The following SRPRB variants were observed in gnomAD, a reference collection of about 807,000 sequenced individuals.
The protein encoded by SRPRB is SRP receptor subunit beta.
Under a neutral mutation model 31.9 loss-of-function variants are expected in SRPRB, and 20 were observed. The observed-to-expected ratio is 0.63, with a 90% CI of 0.44 to 0.91. The LOEUF is 0.91. Ranked by LOEUF, SRPRB falls within the 40% of genes least tolerant of loss-of-function variation. The pLI, the probability that SRPRB is intolerant of heterozygous loss-of-function variation, is 0.00. For missense variants in SRPRB, 321 were observed against 324.9 expected (o/e 0.99, Z 0.09); for synonymous variants, 146 against 132.8 (o/e 1.10, Z -0.68).
intron 1 of SRPRB, among the ~76,000 whole-genome samples, chr3:133,797,858 G>A (rs1294838595): frequency 6.6e-6 from 1 of 152,062 alleles, no homozygotes; most frequent in African/African-American, 2.4e-5. Flanking sequence ...CTGCCTTCTG[G>A]GAGTAATCTT....
At chr3:133,822,865 A>C (rs1461046088), downstream of SRPRB, among the ~76,000 whole-genome samples, 2 of 152,226 alleles carry the variant, frequency 1.3e-5, no homozygotes, top group Admixed American at 6.5e-5. Flanking sequence ...AATGCGCAGG[A>C]AAACAATCCC....
chr3:133,797,594 T>A (rs1432797639), intron 1 of SRPRB, among the ~76,000 whole-genome samples: 1 of 152,204 alleles, frequency 6.6e-6, no homozygotes, highest in Non-Finnish European at 1.5e-5. Context: ...CATTTGAGAA[T>A]GGAATTTTTA....
chr3:133,825,768 A>G (rs1412875968), downstream of SRPRB: 2 of 152,208 alleles, frequency 1.3e-5, no homozygotes, highest in Non-Finnish European at 2.9e-5. Flanking sequence ...ACCATCCCCA[A>G]AAAAGAAGGC....
At chr3:133,809,307 G>A (rs1420671478) in intron 3 of SRPRB, among the ~76,000 whole-genome samples, 3 of 152,126 alleles carry the variant, frequency 2.0e-5, no homozygotes, top group Admixed American at 2.0e-4. Context: ...AATAAGTTTC[G>A]GTGAGTGAGT....
chr3:133,823,849 A>C (rs1935512239), downstream of SRPRB, among the ~76,000 whole-genome samples: 1 of 152,086 alleles, frequency 6.6e-6, no homozygotes, highest in South Asian at 2.1e-4. Context: ...TCTGAAAATC[A>C]CCAGAAGCAT....
chr3:133,798,884 A>T (rs1157119924), intron 1 of SRPRB, among the ~76,000 whole-genome samples: 2 of 152,168 alleles, frequency 1.3e-5, no homozygotes, highest in African/African-American at 4.8e-5. Flanking sequence ...AAGATATTTT[A>T]AAAACATTAA....
chr3:133,824,790 A>AGAT (rs1935531046), downstream of SRPRB: 1 of 152,190 alleles, frequency 6.6e-6, no homozygotes, highest in African/African-American at 2.4e-5. Flanking sequence ...AAAAGAGTAG[A>AGAT]GATGGTCTGA....
chr3:133,824,622 T>A (rs1409523720), downstream of SRPRB: 1 of 152,144 alleles, frequency 6.6e-6, no homozygotes, highest in East Asian at 1.9e-4. Context: ...CCTAAATAGT[T>A]CATGTCAAAC....
intron 4 of SRPRB, 33 bp from the exon 5 acceptor site, chr3:133,815,557 C>A: frequency 6.2e-7 from 1 of 1,611,626 alleles, no homozygotes; most frequent in South Asian, 1.1e-5. Context: ...GTTACACGTT[C>A]ACATGCCAGT....
chr3:133,814,236 A>G (rs1487213953), intron 4 of SRPRB, among the ~76,000 whole-genome samples: 1 of 149,526 alleles, frequency 6.7e-6, no homozygotes, highest in African/African-American at 2.5e-5. Context: ...GGTTTACGCC[A>G]TTCTCCTGCC....
upstream of SRPRB, chr3:133,805,731 G>A (rs1262662456): frequency 7.3e-6 from 10 of 1,368,464 alleles, no homozygotes; most frequent in Non-Finnish European, 9.7e-6. Flanking sequence ...GGATCGCCGC[G>A]GCTGAGGGAG....
At chr3:133,787,401 A>C (rs1254420633) in intron 1 of SRPRB, 1 of 152,236 alleles carries the variant, frequency 6.6e-6, no homozygotes, top group African/African-American at 2.4e-5. Flanking sequence ...CAAAATTGTC[A>C]TATTTAGAAG....
upstream of SRPRB, among the ~76,000 whole-genome samples, chr3:133,803,863 G>A (rs1935098412): frequency 7.3e-5 from 11 of 151,430 alleles, no homozygotes; most frequent in South Asian, 2.3e-3. Flanking sequence ...GTTTTAGGCC[G>A]AGGTGGGTGG....
chr3:133,806,419 G>C (rs1374411319), intron 1 of SRPRB, 190 bp from the exon 2 acceptor site: 4 of 563,560 alleles, frequency 7.1e-6, no homozygotes, highest in African/African-American at 1.9e-5. Flanking sequence ...GCAAAGAAAA[G>C]TTGACAGTTG....
chr3:133,787,788 G>GA (rs1172453862), intron 1 of SRPRB: 4 of 152,140 alleles, frequency 2.6e-5, no homozygotes, highest in African/African-American at 9.7e-5. Flanking sequence ...TTATATACTG[G>GA]AAAAATGAGT....
intron 3 of SRPRB, among the ~76,000 whole-genome samples, chr3:133,808,024 C>T (rs1935194320): frequency 6.6e-6 from 1 of 152,144 alleles, no homozygotes; most frequent in African/African-American, 2.4e-5. Flanking sequence ...CATTGTTGTA[C>T]CTTAATGTAC....
chr3:133,810,577 A>T (rs1935242642), intron 3 of SRPRB: 1 of 152,140 alleles, frequency 6.6e-6, no homozygotes. Context: ...TGTCTGGAAG[A>T]TAAATATTTA....
downstream of SRPRB, chr3:133,827,054 C>T (rs1181157104): frequency 6.6e-6 from 1 of 152,652 alleles, no homozygotes; most frequent in Non-Finnish European, 1.5e-5. Flanking sequence ...CTCTTCTTCA[C>T]CTGAAGATAA....
chr3:133,787,833 A>G (rs576921506), intron 1 of SRPRB: 2 of 152,370 alleles, frequency 1.3e-5, no homozygotes, highest in East Asian at 3.9e-4. Context: ...TAGATACTAA[A>G]GAGGTTGCCA....
Sources: allele counts gnomAD v4.1 joint callset (sites outside exome capture counted in the v4.1 genomes callset), GRCh38; gene constraint gnomAD v4.1.1; transcripts MANE v1.5; gene names NCBI Gene and HGNC (gene_info 2026-07-23, HGNC 2026-07-21).